TSPAN17: variants seen among roughly 807,000 people sequenced by gnomAD.
TSPAN17 encodes the protein tetraspanin-17.
A neutral mutation model predicts 40.5 loss-of-function variants in TSPAN17; 33 were observed. That is an observed-to-expected ratio of 0.81 (90% CI 0.62 to 1.09). TSPAN17 has a LOEUF of 1.09. TSPAN17 is among the 50% of genes least tolerant of loss of function. The pLI is 0.00. For synonymous variants in TSPAN17, 166 were observed against 169.4 expected (o/e 0.98, Z 0.15); for missense variants, 365 against 416.8 (o/e 0.88, Z 1.08).
chr5:176,657,479 A>G (rs770388965), intron 8 of TSPAN17, 39 bp from the exon 9 acceptor site: 116 of 1,552,456 alleles, frequency 7.5e-5, no homozygotes, highest in Non-Finnish European at 9.6e-5. Context: ...AGACTCTGAA[A>G]TGGGTCCAAG....
At chr5:176,656,866 T>C (rs772645367) in intron 7 of TSPAN17, 29 bp from the exon 8 acceptor site, 3 of 1,614,132 alleles carry the variant, frequency 1.9e-6, no homozygotes, top group Middle Eastern at 3.3e-4. Flanking sequence ...CCGCCCTCAC[T>C]CTCCCCTCAC....
rs536155573 is a variant in TSPAN17, at chr5:176,654,134, C to T, written c.457-761C>T. On this transcript the variant is annotated intron_variant, in intron 4 of 8. Transcript: ENST00000508164. The surrounding 1 kb of genome is among the most constrained non-coding windows in gnomAD (Gnocchi z 4.3). ...GCAGGTGCCAGGAGGCAGGTGGAGG[C>T]TGAGCCCTGCCCTGGGACCAGCACA... 1.3e-5 allele frequency: 2 copies of T among 152,492 alleles called. No homozygotes were observed. The highest frequency in any genetic ancestry group is 4.8e-5 in the African/African-American group (2 of 41,580). The allele number at this position is 152,492 out of a possible 1,614,324, so 9.4% of individuals were successfully genotyped here.
At chr5:176,649,429 TTTC>T (rs1760877346) in intron 1 of TSPAN17, among the ~76,000 whole-genome samples, 3 of 150,000 alleles carry the variant, frequency 2.0e-5, no homozygotes, top group Admixed American at 1.3e-4. Flanking sequence ...TTTTTTCTTT[TTTC>T]TTTTTTTTTT....
At chr5:176,649,000 C>T (rs910856186) in intron 1 of TSPAN17, among the ~76,000 whole-genome samples, 19 of 152,050 alleles carry the variant, frequency 1.2e-4, no homozygotes, top group Admixed American at 6.5e-4. Flanking sequence ...CCTCAAATAC[C>T]GAGGGGGAGC....
Position 176,651,794 on chromosome 5 carries a change from G to T in TSPAN17, c.179G>T (p.Gly60Val). 1 of 1,614,184 alleles carries T rather than the reference G, an allele frequency of 6.2e-7. No individual in the cohort carries two copies. Among genetic ancestry groups the T allele is most frequent in the Non-Finnish European group, 8.5e-7 (1 of 1,180,026 alleles). Residue 60 changes from glycine (G) to valine (V), a missense_variant, in exon 3 of 9, where the codon GGC becomes GTC. Gly to Val is a moderately radical substitution (Grantham distance 109). Coordinates refer to ENST00000508164, the MANE Select transcript of TSPAN17 (RefSeq NM_130465.5). The surrounding 1 kb of genome is among the most constrained non-coding windows in gnomAD (Gnocchi z 4.5). ...ATCTCAGCGCTGACAGATCTGGGAG[G>T]CCTTGACCCCGTGTGGCTGTTTGTG... ...SNISALTDLGGLDPVWLFVVV... is the reference protein window; with the variant it reads ...SNISALTDLGVLDPVWLFVVV...
chr5:176,649,969 G>A (rs1760901285), intron 1 of TSPAN17, among the ~76,000 whole-genome samples: 1 of 152,110 alleles, frequency 6.6e-6, no homozygotes, highest in Admixed American at 6.5e-5. Context: ...TCCAACCCCA[G>A]CATCCCCCAT....
chr5:176,655,773 C>T (rs1761130692), intron 5 of TSPAN17, among the ~76,000 whole-genome samples: 1 of 151,248 alleles, frequency 6.6e-6, no homozygotes, highest in Admixed American at 6.6e-5. Flanking sequence ...TGGTGGTACA[C>T]TCCTGTGGTC....
chr5:176,652,754 C>T lies in TSPAN17; in HGVS notation c.297C>T (p.Phe99=), dbSNP rs539371349. Residue 99 remains phenylalanine (F), a synonymous_variant, in exon 4 of 9, where the codon TTC becomes TTT. Coordinates refer to ENST00000508164, the MANE Select transcript of TSPAN17 (RefSeq NM_130465.5). ...NTFLLKFFSV[F]LGLIFFLELA... ...ATGCCCAACCCCAGTTCTCCGTGTT[C>T]CTCGGTCTCATCTTCTTCCTGGAGC... 1.9e-6 allele frequency: 3 copies of T among 1,614,074 alleles called. No homozygotes were observed. In the South Asian group the frequency reaches 3.3e-5, roughly 18 times the overall value.
intron 1 of TSPAN17, among the ~76,000 whole-genome samples, chr5:176,648,786 G>A (rs1024435071): frequency 6.6e-6 from 1 of 152,224 alleles, no homozygotes; most frequent in African/African-American, 2.4e-5. Flanking sequence ...GCCTGTGAGG[G>A]CTGTTAGGCA....
In TSPAN17 at chr5:176,651,577, C is replaced by A. The variant is rs771029876; in HGVS notation, c.88-39C>A. ...AGGATGAGGGGGGAGGGTCCTGGGG[C>A]TGCTCCCAGCCCTGAGCTCTTTGTT... On this transcript the variant is annotated intron_variant, in intron 1 of 8. Coordinates refer to ENST00000508164, the MANE Select transcript of TSPAN17 (RefSeq NM_130465.5). The surrounding 1 kb of genome is among the most constrained non-coding windows in gnomAD (Gnocchi z 4.5). The A allele has an allele frequency of 9.2e-5, 146 of 1,591,444 alleles. No individual in the cohort carries two copies. The highest frequency in any genetic ancestry group is 1.2e-4 in the Non-Finnish European group (143 of 1,167,858).
rs1760862384 is a variant in TSPAN17 at position 176,649,133 on chromosome 5, C to T, written c.87+1431C>T. Among the ~76,000 whole-genome samples, 2 of 152,144 alleles carry T rather than the reference C, an allele frequency of 1.3e-5. 1 individual carries two copies. Among genetic ancestry groups the T allele is most frequent in the East Asian group, 3.9e-4 (2 of 5,156 alleles). On this transcript the variant is annotated intron_variant, in intron 1 of 8. Coordinates refer to ENST00000508164, the MANE Select transcript of TSPAN17 (RefSeq NM_130465.5). ...GGCTTCTGTTCTGGAGACCGCTTGC[C>T]TGGCTGCTGTGTGGAGGGTGGATGA...
intron 4 of TSPAN17, chr5:176,653,476 CCTAT>C (rs1761043694): frequency 6.5e-6 from 1 of 153,574 alleles, no homozygotes; most frequent in Admixed American, 6.4e-5. Context: ...TTCCTGAAAC[CCTAT>C]CTGCCTCCCA....
intron 6 of TSPAN17, 48 bp downstream of exon 6, chr5:176,656,173 GTTGGGTATGAGAGTGTCTATAAC>G: frequency 6.2e-7 from 1 of 1,605,008 alleles, no homozygotes; most frequent in Non-Finnish European, 8.5e-7. Flanking sequence ...GGGGTACTGG[GTTGGGTATGAGAGTGTCTATAAC>G]CTCCTCTGGA....
At chr5:176,647,780 C>A in intron 1 of TSPAN17, 78 bp downstream of exon 1, 2 of 1,347,974 alleles carry the variant, frequency 1.5e-6, no homozygotes, top group Non-Finnish European at 1.0e-6. Flanking sequence ...TGGGGGAGAC[C>A]ACTCCCTGCC....
intron 3 of TSPAN17, 28 bp from the exon 4 acceptor site, chr5:176,652,715 C>T (rs200341916): frequency 6.2e-7 from 1 of 1,612,032 alleles, no homozygotes; most frequent in South Asian, 1.1e-5. Flanking sequence ...GCGTTTCCAA[C>T]CCCTACTGTC....
Position 176,658,057 on chromosome 5 carries a change from T to G in TSPAN17, c.*359T>G. On this transcript the variant is annotated 3_prime_UTR_variant, in exon 9 of 9. Transcript: ENST00000508164. ...CCAGGAGAGGGTCTGAGGGGTGGGA[T>G]GGGGGTCAGGACAATTTTGCAAAAG... The G allele has an allele frequency of 5.7e-6, 1 of 176,196 alleles. No individual in the cohort carries two copies. 10.9% of individuals were successfully genotyped at this position (176,196 alleles called of 1,614,324 possible). A position where few individuals can be genotyped will look rare whatever the true frequency, so the allele number is the denominator to read the frequency against.
chr5:176,648,821 AT>A (rs1760848527), intron 1 of TSPAN17, among the ~76,000 whole-genome samples: 1 of 152,122 alleles, frequency 6.6e-6, no homozygotes, highest in African/African-American at 2.4e-5. Context: ...AATTTGTTGT[AT>A]TCTCACAACT....
Position 176,657,739 on chromosome 5 carries a change from A to T in TSPAN17, c.*41A>T. The T allele has an allele frequency of 6.5e-7, 1 of 1,530,952 alleles. No homozygotes were observed. The highest frequency in any genetic ancestry group is 8.7e-7 in the Non-Finnish European group (1 of 1,143,438). The allele number at this position is 1,530,952 out of a possible 1,614,324, so 94.8% of individuals were successfully genotyped here. A position where few individuals can be genotyped will look rare whatever the true frequency, so the allele number is the denominator to read the frequency against. On this transcript the variant is annotated 3_prime_UTR_variant, in exon 9 of 9. Transcript: ENST00000508164. ...CCAGATCCACAGCTTCTCTTGAAGA[A>T]TGACCACCTGGCTACGCCGGCTCTT...
intron 4 of TSPAN17, 142 bp downstream of exon 4, chr5:176,653,055 G>A (rs940066156): frequency 1.3e-5 from 11 of 853,634 alleles, no homozygotes; most frequent in South Asian, 3.3e-5. Context: ...GAGTGTCCTC[G>A]TCCGAGGAGA....
Sources: gnomAD v4.1 joint callset for allele counts (sites outside exome capture counted in the v4.1 genomes callset) on GRCh38, gnomAD v4.1.1 for gene constraint, Gnocchi (gnomAD v3.1) non-coding constraint, MANE v1.5 for transcripts, NCBI Gene and HGNC (gene_info 2026-07-23, HGNC 2026-07-21) for gene names.